The following PDSS1 variants were observed in gnomAD, a reference collection of about 807,000 sequenced individuals.
PDSS1 encodes the protein decaprenyl diphosphate synthase subunit 1, also known as all trans-polyprenyl-diphosphate synthase PDSS1.
A neutral mutation model predicts 57.5 loss-of-function variants in PDSS1; 43 were observed. The ratio of observed to expected loss-of-function variants is 0.75; its 90% CI spans 0.59 to 0.96. The LOEUF (loss-of-function observed/expected upper bound fraction) is 0.96. PDSS1 is among the 50% of genes least tolerant of loss of function. The probability of loss-of-function intolerance (pLI) is 0.00; values close to 1 mark genes in which losing one functional copy is unlikely to be tolerated. For missense variants in PDSS1, 438 were observed against 527.8 expected, an observed-to-expected ratio of 0.83 and a Z score of 1.67; for synonymous variants, 175 against 191.3, an observed-to-expected ratio of 0.91 and a Z score of 0.70.
rs1836354813 is a variant in PDSS1, at chr10:26,735,289, A to G, written c.881A>G (p.Gln294Arg). 6.2e-7 allele frequency: 1 copy of G among 1,613,314 alleles called. No homozygotes were observed. Among genetic ancestry groups the G allele is most frequent in the Non-Finnish European group, 8.5e-7 (1 of 1,179,330 alleles). ...CCAGTGGTGCATGAGATCGCCTATCAGTACGGAAAAAATGTAGGAATAGCT... is the reference window on the plus strand; with the variant it reads ...CCAGTGGTGCATGAGATCGCCTATCGGTACGGAAAAAATGTAGGAATAGCT... ...PDPVVHEIAYQYGKNVGIAFQ... is the reference protein window; with the variant it reads ...PDPVVHEIAYRYGKNVGIAFQ... Residue 294 changes from glutamine to arginine, a missense_variant, in exon 9 of 12, where the codon CAG becomes CGG. This residue lies in a region of PDSS1 where 284 missense variants were observed against 390.7 expected (regional missense o/e 0.73). Transcript: ENST00000376215.
At chr10:26,707,962 C>T (rs1038895553) in intron 4 of PDSS1, among the ~76,000 whole-genome samples, 3 of 152,250 alleles carry the variant, frequency 2.0e-5, no homozygotes, top group Admixed American at 6.5e-5. Flanking sequence ...GTCCCCACTG[C>T]CCCAGGCCAG....
intron 10 of PDSS1, among the ~76,000 whole-genome samples, chr10:26,738,060 C>T (rs1836465021): frequency 6.6e-6 from 1 of 152,140 alleles, no homozygotes; most frequent in African/African-American, 2.4e-5. Context: ...AAGTTGCCTT[C>T]TAATAAAACA....
chr10:26,730,063 CTA>C (rs1836121064), intron 8 of PDSS1, among the ~76,000 whole-genome samples: 1 of 151,728 alleles, frequency 6.6e-6, no homozygotes. Flanking sequence ...CAGGTGCCCG[CTA>C]CCACGCCCGG....
chr10:26,705,980 C>T (rs1019870183), intron 4 of PDSS1, among the ~76,000 whole-genome samples: 5 of 152,196 alleles, frequency 3.3e-5, no homozygotes, highest in Admixed American at 2.0e-4. Context: ...CCCACCTTTC[C>T]TCTTAAAACC....
At chr10:26,739,548 A>AGT (rs915908466) in intron 10 of PDSS1, among the ~76,000 whole-genome samples, 9 of 152,226 alleles carry the variant, frequency 5.9e-5, no homozygotes, top group Admixed American at 5.9e-4. Flanking sequence ...TAAAAGCATC[A>AGT]GTGAAAACAC....
At chr10:26,731,946 T>C (rs1836220044) in intron 8 of PDSS1, among the ~76,000 whole-genome samples, 1 of 152,164 alleles carries the variant, frequency 6.6e-6, no homozygotes, top group South Asian at 2.1e-4. Context: ...CGTGAGCCAC[T>C]GCGCCCAGCC....
Position 26,702,143 on chromosome 10 carries a change from C to A in PDSS1, c.130-19C>A, listed in dbSNP as rs1229229500. ...CCATTGTATCTTGGATGTAACGTAA[C>A]TTGTTTTTGATTTTACAGGTTCATA... On this transcript the variant is annotated intron_variant, in intron 1 of 11. Transcript: ENST00000376215. 1 of 456,376 alleles carries A rather than the reference C, an allele frequency of 2.2e-6. No individual in the cohort carries two copies. The highest frequency in any genetic ancestry group is 4.4e-6 in the Non-Finnish European group (1 of 226,342). 28.3% of individuals were successfully genotyped at this position (456,376 alleles called of 1,614,324 possible).
rs766277246 is a variant in PDSS1, at chr10:26,705,408, TCTG to T, written c.336+18_336+20del. Reference sequence around the variant, plus strand: ...GACATTAGAAAGGTGAGTTTTTTATTCTGCTGTGATGTAATGTTTTAGCTTACC... The same window carrying T: ...GACATTAGAAAGGTGAGTTTTTTATTCTGTGATGTAATGTTTTAGCTTACC... On this transcript the variant is annotated intron_variant, in intron 4 of 11. Coordinates refer to ENST00000376215, the MANE Select transcript of PDSS1 (RefSeq NM_014317.5). The T allele has an allele frequency of 1.9e-5, 24 of 1,263,960 alleles. No homozygotes were observed. The South Asian group carries it at 2.8e-4, about 15-fold the overall frequency. The allele number at this position is 1,263,960 out of a possible 1,614,324, so 78.3% of individuals were successfully genotyped here.
chr10:26,746,465 G>C lies in PDSS1; in HGVS notation c.1240G>C (p.Asp414His), dbSNP rs1176368750. 6.2e-7 allele frequency: 1 copy of C among 1,614,122 alleles called. No homozygotes were observed. The highest frequency in any genetic ancestry group is 8.5e-7 in the Non-Finnish European group (1 of 1,179,972). Residue 414 changes from aspartate (D) to histidine (H), a missense_variant, in exon 12 of 12, where the codon GAT (aspartate) becomes CAT (histidine). Around this residue, in one of 2 missense-constraint regions of PDSS1, gnomAD observed 284 missense variants for 390.7 expected, o/e 0.73. Coordinates refer to ENST00000376215, the MANE Select transcript of PDSS1 (RefSeq NM_014317.5). ...IQLSEIVLTR[D>H]K ...GCTTTCAGAAATTGTACTCACAAGA[G>C]ATAAATGACAACTCTTTCTGTTCTT...
intron 10 of PDSS1, chr10:26,740,729 T>C (rs1446622756): frequency 4.4e-6 from 2 of 456,594 alleles, no homozygotes; most frequent in Non-Finnish European, 8.8e-6. Flanking sequence ...CGTGGAGCCA[T>C]AGACTGTTAG....
chr10:26,720,046 A>C, intron 5 of PDSS1, 172 bp from the exon 6 acceptor site: 3 of 869,834 alleles, frequency 3.4e-6, no homozygotes, highest in African/African-American at 1.7e-5. Context: ...AGGGTTTCTC[A>C]TACATTTGTA....
intron 5 of PDSS1, 33 bp from the exon 6 acceptor site, chr10:26,720,185 G>A (rs370492173): frequency 3.7e-5 from 60 of 1,611,834 alleles, no homozygotes; most frequent in South Asian, 1.2e-4. Context: ...TCTAGGCGGC[G>A]TCTGTTAAAA....
intron 5 of PDSS1, chr10:26,717,628 T>A (rs753667612): frequency 3.3e-5 from 5 of 152,222 alleles, no homozygotes; most frequent in Non-Finnish European, 4.4e-5. Flanking sequence ...CCAAAACAAC[T>A]CTAGTATCTT....
intron 1 of PDSS1, among the ~76,000 whole-genome samples, chr10:26,699,422 T>C (rs1486700267): frequency 2.0e-5 from 3 of 147,916 alleles, no homozygotes; most frequent in Admixed American, 1.4e-4. Context: ...TGACACAGAG[T>C]CTCACTCTGT....
intron 1 of PDSS1, among the ~76,000 whole-genome samples, chr10:26,698,317 C>A (rs1463347185): frequency 1.3e-5 from 2 of 152,016 alleles, no homozygotes; most frequent in African/African-American, 2.4e-5. Context: ...CCGAAAAGGT[C>A]TTGTGGAGAA....
At chr10:26,707,211 A>G (rs143533453) in intron 4 of PDSS1, among the ~76,000 whole-genome samples, 98 of 152,212 alleles carry the variant, frequency 6.4e-4, no homozygotes, top group Non-Finnish European at 1.1e-3. Context: ...TACCAGTCCC[A>G]GTTTTCCTAG....
chr10:26,724,880 T>C (rs188079336), intron 8 of PDSS1, among the ~76,000 whole-genome samples: 57 of 152,248 alleles, frequency 3.7e-4, no homozygotes, highest in African/African-American at 1.3e-3. Flanking sequence ...ACCTGGCCAA[T>C]ACATTGCACC....
chr10:26,734,051 C>G (rs1370325823), intron 8 of PDSS1, among the ~76,000 whole-genome samples: 1 of 152,192 alleles, frequency 6.6e-6, no homozygotes, highest in African/African-American at 2.4e-5. Flanking sequence ...TTAAATGCAG[C>G]ATCATGTCTG....
At chr10:26,697,935 C>T in intron 1 of PDSS1, 95 bp downstream of exon 1, 4 of 1,130,512 alleles carry the variant, frequency 3.5e-6, no homozygotes, top group Non-Finnish European at 4.4e-6. Flanking sequence ...GCACGTGCGT[C>T]GCGACGCGGG....
Sources: gnomAD v4.1 joint callset for allele counts (sites outside exome capture counted in the v4.1 genomes callset) on GRCh38, gnomAD v4.1.1 for gene constraint, gnomAD v4.1.1 regional missense constraint, MANE v1.5 for transcripts, NCBI Gene and HGNC (gene_info 2026-07-23, HGNC 2026-07-21) for gene names.